The following PRKAG2 variants were observed in gnomAD, a reference collection of about 807,000 sequenced individuals.
PRKAG2 encodes the protein protein kinase AMP-activated non-catalytic subunit gamma 2.
Under a neutral mutation model 69.6 loss-of-function variants are expected in PRKAG2, and 26 were observed. The ratio of observed to expected loss-of-function variants is 0.37; its 90% CI spans 0.27 to 0.52. The LOEUF (loss-of-function observed/expected upper bound fraction) is 0.52, where lower values mean the gene tolerates loss of function less well. Among genes scored for constraint, PRKAG2 ranks in the 20% least tolerant of loss-of-function variants. PRKAG2 has a pLI of 0.90. For synonymous variants in PRKAG2, 293 were observed against 285.0 expected (o/e 1.03, Z -0.28); for missense variants, 557 against 740.0 (o/e 0.75, Z 2.87).
chr7:151,734,430 G>C (rs1799437863), intron 3 of PRKAG2: 1 of 152,180 alleles, frequency 6.6e-6, no homozygotes, highest in Non-Finnish European at 1.5e-5. Flanking sequence ...TGTCTCCCCA[G>C]CCCTGGTGAA....
chr7:151,707,757 G>A (rs1022680593), intron 3 of PRKAG2, among the ~76,000 whole-genome samples: 1 of 152,196 alleles, frequency 6.6e-6, no homozygotes, highest in Non-Finnish European at 1.5e-5. Context: ...CAAGAACCAA[G>A]TTAAACCGGC....
At chr7:151,827,914 C>T (rs888591904) in intron 1 of PRKAG2, among the ~76,000 whole-genome samples, 19 of 152,162 alleles carry the variant, frequency 1.2e-4, no homozygotes, top group Non-Finnish European at 2.5e-4. Flanking sequence ...GGGCGCTTCC[C>T]TGGGTTCCAG....
intron 1 of PRKAG2, among the ~76,000 whole-genome samples, chr7:151,798,281 T>A (rs564305549): frequency 6.6e-6 from 1 of 151,960 alleles, no homozygotes; most frequent in African/African-American, 2.4e-5. Flanking sequence ...TGATTAGAGG[T>A]GTGAGCTACC....
intron 3 of PRKAG2, among the ~76,000 whole-genome samples, chr7:151,765,735 G>C (rs1018667168): frequency 1.3e-5 from 2 of 152,154 alleles, no homozygotes; most frequent in African/African-American, 4.8e-5. Flanking sequence ...AACCATTTTT[G>C]CCGGGAACAT....
At chr7:151,601,984 T>C (rs1816199768) in intron 5 of PRKAG2, among the ~76,000 whole-genome samples, 1 of 152,226 alleles carries the variant, frequency 6.6e-6, no homozygotes, top group African/African-American at 2.4e-5. Context: ...TGTGCTCCCA[T>C]GTTTCTCAAA....
chr7:151,563,243 T>C (rs1159461262), intron 14 of PRKAG2, among the ~76,000 whole-genome samples: 3 of 152,222 alleles, frequency 2.0e-5, no homozygotes, highest in African/African-American at 7.2e-5. Flanking sequence ...TTGGTCCTTC[T>C]GTGAGGAGTC....
At chr7:151,737,071 A>C (rs942084026) in intron 3 of PRKAG2, among the ~76,000 whole-genome samples, 1 of 152,214 alleles carries the variant, frequency 6.6e-6, no homozygotes, top group African/African-American at 2.4e-5. Flanking sequence ...TAGAAAAAAA[A>C]TCCTTGACTT....
At chr7:151,738,834 C>A (rs1001531375) in intron 3 of PRKAG2, among the ~76,000 whole-genome samples, 2 of 152,206 alleles carry the variant, frequency 1.3e-5, no homozygotes, top group African/African-American at 2.4e-5. Flanking sequence ...CTCTATATTT[C>A]TGTGTGTGTG....
At chr7:151,674,006 T>A (rs867101006) in intron 4 of PRKAG2, among the ~76,000 whole-genome samples, 2 of 151,722 alleles carry the variant, frequency 1.3e-5, no homozygotes, top group African/African-American at 4.9e-5. Flanking sequence ...CACGCCAAGA[T>A]AATTTTTTGT....
At chr7:151,757,395 C>T (rs2075158592) in intron 3 of PRKAG2, among the ~76,000 whole-genome samples, 1 of 152,184 alleles carries the variant, frequency 6.6e-6, no homozygotes, top group Non-Finnish European at 1.5e-5. Context: ...GAATTTCAAA[C>T]AGCTCCCAGC....
At chr7:151,778,760 T>C (rs1221841896) in intron 3 of PRKAG2, among the ~76,000 whole-genome samples, 1 of 152,194 alleles carries the variant, frequency 6.6e-6, no homozygotes, top group African/African-American at 2.4e-5. Flanking sequence ...TCATTTTTAA[T>C]TACCAATAAG....
chr7:151,794,501 G>A (rs142659967), intron 1 of PRKAG2, among the ~76,000 whole-genome samples: 54 of 152,352 alleles, frequency 3.5e-4, no homozygotes, highest in Non-Finnish European at 4.7e-4. Flanking sequence ...GTGAGCCCCC[G>A]TGGCACTGGG....
At chr7:151,568,488 TG>T in intron 11 of PRKAG2, among the ~76,000 whole-genome samples, 1 of 152,346 alleles carries the variant, frequency 6.6e-6, no homozygotes, top group South Asian at 2.1e-4. Flanking sequence ...CGAGTTTTGT[TG>T]TTAAAATTGT....
At chr7:151,610,997 C>T (rs1173698068) in intron 5 of PRKAG2, among the ~76,000 whole-genome samples, 3 of 152,098 alleles carry the variant, frequency 2.0e-5, no homozygotes, top group South Asian at 2.1e-4. Context: ...GCAGGTGATC[C>T]GTCCACCTTG....
intron 1 of PRKAG2, among the ~76,000 whole-genome samples, chr7:151,859,951 C>T (rs1310506230): frequency 4.6e-5 from 7 of 152,304 alleles, no homozygotes; most frequent in East Asian, 3.9e-4. Context: ...TTGCAGGACA[C>T]GAGTGCCCAT....
intron 1 of PRKAG2, among the ~76,000 whole-genome samples, chr7:151,844,429 G>A (rs991784889): frequency 2.6e-5 from 4 of 152,218 alleles, no homozygotes; most frequent in East Asian, 3.8e-4. Context: ...CTGGTTTGGC[G>A]AGGCAGAGGT....
At position 151,560,091 on chromosome 7, in the gene PRKAG2, T is replaced by TTTAG. The variant is rs1303436957; in HGVS notation, c.1678+429_1678+432dup. The TTTAG allele has an allele frequency of 4.1e-6, 4 of 984,772 alleles. No homozygotes were observed. In the East Asian group the frequency reaches 4.5e-4, roughly 112 times the overall value. 61.0% of individuals were successfully genotyped at this position (984,772 alleles called of 1,614,324 possible). On this transcript the variant is annotated intron_variant, in intron 15 of 15. Transcript: ENST00000287878. Reference sequence around the variant, plus strand: ...CAATATTAATGAATAAAAGTTTGTGTTTAGGTATTCTGTTTTATCTACTCA... The same window carrying TTTAG: ...CAATATTAATGAATAAAAGTTTGTGTTTAGTTAGGTATTCTGTTTTATCTACTCA...
At chr7:151,710,987 G>A (rs796223946) in intron 3 of PRKAG2, among the ~76,000 whole-genome samples, 36 of 152,100 alleles carry the variant, frequency 2.4e-4, no homozygotes, top group South Asian at 2.1e-4. Context: ...AGAGTATTGC[G>A]AGTGCTAGGA....
intron 1 of PRKAG2, among the ~76,000 whole-genome samples, chr7:151,841,457 T>G (rs2079279946): frequency 6.8e-6 from 1 of 146,068 alleles, no homozygotes; most frequent in Non-Finnish European, 1.5e-5. Context: ...GGGATGGTAG[T>G]GATAGTAGTG....
Sources: gnomAD v4.1 joint callset for allele counts (sites outside exome capture counted in the v4.1 genomes callset) on GRCh38, gnomAD v4.1.1 for gene constraint, MANE v1.5 for transcripts, NCBI Gene and HGNC (gene_info 2026-07-23, HGNC 2026-07-21) for gene names.